NRG3: variants seen among roughly 807,000 people sequenced by gnomAD.
NRG3 encodes neuregulin 3.
A neutral mutation model predicts 66.9 loss-of-function variants in NRG3; 31 were observed. That is an observed-to-expected ratio of 0.46 (90% CI 0.35 to 0.63). The LOEUF is 0.63. Among genes scored for constraint, NRG3 ranks in the 20% least tolerant of loss-of-function variants. The pLI, the probability that NRG3 is intolerant of heterozygous loss-of-function variation, is 0.00. For missense variants in NRG3, 910 were observed against 878.9 expected, an observed-to-expected ratio of 1.04 and a Z score of -0.45; for synonymous variants, 393 against 359.4, an observed-to-expected ratio of 1.09 and a Z score of -1.06.
chr10:82,063,512 C>CTTTGT (rs2064277847), intron 1 of NRG3, among the ~76,000 whole-genome samples: 1 of 147,488 alleles, frequency 6.8e-6, no homozygotes, highest in African/African-American at 2.5e-5. Context: ...AGGAAAAGAT[C>CTTTGT]TTTTTTTTTT....
chr10:82,229,986 T>C (rs978486203), intron 1 of NRG3: 2 of 152,096 alleles, frequency 1.3e-5, no homozygotes, highest in Non-Finnish European at 2.9e-5. Flanking sequence ...AAATAATCTG[T>C]TAGAAAATCC....
chr10:82,872,065 T>C (rs987954086), intron 4 of NRG3, among the ~76,000 whole-genome samples: 2 of 152,146 alleles, frequency 1.3e-5, no homozygotes, highest in Non-Finnish European at 2.9e-5. Context: ...ATATTCTTCA[T>C]CAAGTTGAGA....
At chr10:82,083,935 G>T (rs2065556089) in intron 1 of NRG3, among the ~76,000 whole-genome samples, 1 of 151,434 alleles carries the variant, frequency 6.6e-6, no homozygotes, top group South Asian at 2.1e-4. Context: ...AATTTAAAAT[G>T]ACACATTTAT....
At chr10:82,190,152 G>T (rs1315704226) in intron 1 of NRG3, among the ~76,000 whole-genome samples, 3 of 152,012 alleles carry the variant, frequency 2.0e-5, no homozygotes, top group African/African-American at 7.3e-5. Flanking sequence ...AGTGAAAAGG[G>T]GACAATAATA....
chr10:81,889,647 T>G (rs1042266499), intron 1 of NRG3: 2 of 152,182 alleles, frequency 1.3e-5, no homozygotes, highest in African/African-American at 4.8e-5. Flanking sequence ...GCATCTCTCT[T>G]CTATTTTTCA....
chr10:82,055,493 GAAC>G (rs1422134323), intron 1 of NRG3, among the ~76,000 whole-genome samples: 2 of 138,880 alleles, frequency 1.4e-5, no homozygotes, highest in East Asian at 4.3e-4. Context: ...AAAAAAAAAA[GAAC>G]AACAACAAAA....
intron 1 of NRG3, among the ~76,000 whole-genome samples, chr10:81,970,705 C>T (rs1418265398): frequency 1.3e-5 from 2 of 151,736 alleles, no homozygotes; most frequent in Non-Finnish European, 1.5e-5. Flanking sequence ...TATGCTAGAC[C>T]AAGGTATGGA....
chr10:82,560,594 T>A (rs1302265584), intron 2 of NRG3, among the ~76,000 whole-genome samples: 1 of 151,050 alleles, frequency 6.6e-6, no homozygotes, highest in Non-Finnish European at 1.5e-5. Flanking sequence ...TTCAGTAAAA[T>A]TATAGTTTTA....
chr10:82,080,648 A>T (rs1186071008), intron 1 of NRG3, among the ~76,000 whole-genome samples: 1 of 152,184 alleles, frequency 6.6e-6, no homozygotes, highest in African/African-American at 2.4e-5. Flanking sequence ...AATACAGTGC[A>T]TGAGGAAGAC....
intron 4 of NRG3, among the ~76,000 whole-genome samples, chr10:82,888,880 C>G (rs1034416321): frequency 6.6e-6 from 1 of 152,058 alleles, no homozygotes; most frequent in African/African-American, 2.4e-5. Context: ...AGTTAAGGAA[C>G]AAGCTCTGTG....
At chr10:82,927,176 C>G (rs1477229669) in intron 4 of NRG3, among the ~76,000 whole-genome samples, 1 of 152,144 alleles carries the variant, frequency 6.6e-6, no homozygotes, top group Non-Finnish European at 1.5e-5. Context: ...GCCTTGTCTC[C>G]TTGCTGGTGC....
intron 1 of NRG3, among the ~76,000 whole-genome samples, chr10:82,167,821 G>GGT (rs2072216432): frequency 1.3e-5 from 2 of 151,748 alleles, no homozygotes; most frequent in Non-Finnish European, 2.9e-5. Flanking sequence ...ATTATTGAAT[G>GGT]GTGTGTTTAT....
In NRG3 at chr10:81,996,989, C is replaced by T. The variant is rs555407122; in HGVS notation, c.823+120826C>T. On this transcript the variant is annotated intron_variant, in intron 1 of 8. Transcript: ENST00000372141. Reference sequence around the variant, plus strand: ...TCCTTGAAAGTCATGTATTTAAATTCTTTAATAAAATGGGTAAGGTTTCTG... The same window carrying T: ...TCCTTGAAAGTCATGTATTTAAATTTTTTAATAAAATGGGTAAGGTTTCTG... Among the ~76,000 whole-genome samples the T allele has an allele frequency of 1.1e-4, 16 of 152,130 alleles. No individual in the cohort carries two copies. The East Asian group carries it at 2.9e-3, about 28-fold the overall frequency.
At chr10:82,347,958 T>C (rs549380658) in intron 1 of NRG3, among the ~76,000 whole-genome samples, 5 of 152,174 alleles carry the variant, frequency 3.3e-5, no homozygotes, top group African/African-American at 7.2e-5. Context: ...AGCCTATGTG[T>C]GTCTCTGCAT....
intron 1 of NRG3, among the ~76,000 whole-genome samples, chr10:82,199,172 G>GA (rs754643270): frequency 0.042 from 4,493 of 106,354 alleles, 105 homozygotes; most frequent in African/African-American, 0.081. Context: ...ACTCTGTCCG[G>GA]AAAAAAAAAA....
chr10:82,290,382 T>A (rs972748452), intron 1 of NRG3, among the ~76,000 whole-genome samples: 4 of 152,224 alleles, frequency 2.6e-5, no homozygotes, highest in African/African-American at 9.6e-5. Flanking sequence ...TAATCATGAA[T>A]GACTTTCTAG....
intron 4 of NRG3, among the ~76,000 whole-genome samples, chr10:82,890,968 T>G (rs180677917): frequency 3.9e-5 from 6 of 152,246 alleles, no homozygotes; most frequent in Admixed American, 6.5e-5. Flanking sequence ...TTCTGATAGA[T>G]TTCTTATTTT....
At chr10:82,463,321 G>A (rs924426744) in intron 2 of NRG3, among the ~76,000 whole-genome samples, 1 of 152,108 alleles carries the variant, frequency 6.6e-6, no homozygotes, top group Non-Finnish European at 1.5e-5. Context: ...AAGTACAGTA[G>A]CAACATTTAA....
At position 82,980,064 on chromosome 10, in the gene NRG3, G is replaced by C. The variant is rs377143111; in HGVS notation, c.1583+944G>C. On this transcript the variant is annotated intron_variant, in intron 8 of 8. Transcript: ENST00000372141. ...AACAAAAATACAAAAAATTAGCTGG[G>C]CATGGTAGTGTGTGCCTGTGGTCCC... is the stretch of plus-strand genomic sequence containing the variant. 3.3e-5 allele frequency among the ~76,000 whole-genome samples: 5 copies of C among 151,986 alleles called. No individual in the cohort carries two copies. In the South Asian group the frequency reaches 6.2e-4, roughly 19 times the overall value.
Sources: gnomAD v4.1 joint callset for allele counts (sites outside exome capture counted in the v4.1 genomes callset) on GRCh38, gnomAD v4.1.1 for gene constraint, MANE v1.5 for transcripts, NCBI Gene and HGNC (gene_info 2026-07-23, HGNC 2026-07-21) for gene names.